THSD7A: variants seen among roughly 807,000 people sequenced by gnomAD.
THSD7A encodes thrombospondin type-1 domain-containing protein 7A.
THSD7A carries 96 observed loss-of-function variants against 231.3 expected under a neutral mutation model. The ratio of observed to expected loss-of-function variants is 0.41; its 90% CI spans 0.35 to 0.49. The LOEUF (loss-of-function observed/expected upper bound fraction) is 0.49. THSD7A is among the 20% of genes least tolerant of loss of function. The probability of loss-of-function intolerance (pLI) is 0.05; values close to 1 mark genes in which losing one functional copy is unlikely to be tolerated. For synonymous variants in THSD7A, 940 were observed against 743.3 expected, an observed-to-expected ratio of 1.26 and a Z score of -4.30; for missense variants, 2,290 against 2,070.2, an observed-to-expected ratio of 1.11 and a Z score of -2.06.
rs139491852 is a variant in THSD7A, at chr7:11,430,317, A to G, written c.3065-1192T>C. 1.3e-3 allele frequency among the ~76,000 whole-genome samples: 200 copies of G among 152,162 alleles called. 1 individual carries two copies. The highest frequency in any genetic ancestry group is 4.7e-3 in the African/African-American group (196 of 41,514). On this transcript the variant is annotated intron_variant, in intron 13 of 27. Coordinates refer to ENST00000423059, the MANE Select transcript of THSD7A (RefSeq NM_015204.3). ...CATCTAATTTTAGAACATTTGTTTT[A>G]CTCCAAAAATAAACCCTATGGTTAC...
intron 22 of THSD7A, among the ~76,000 whole-genome samples, chr7:11,405,152 A>ATTTTT (rs67149392): frequency 1.4e-4 from 20 of 145,590 alleles, no homozygotes; most frequent in African/African-American, 2.0e-4. Flanking sequence ...ATCTCAAATG[A>ATTTTT]TTTTTTTTTT....
intron 1 of THSD7A, among the ~76,000 whole-genome samples, chr7:11,824,868 A>T (rs1018004939): frequency 2.0e-5 from 3 of 152,158 alleles, no homozygotes; most frequent in African/African-American, 7.2e-5. Flanking sequence ...TAATTTCAAG[A>T]ATGTAAAATA....
intron 1 of THSD7A, among the ~76,000 whole-genome samples, chr7:11,651,496 T>G (rs1489765852): frequency 3.5e-5 from 3 of 86,630 alleles, no homozygotes; most frequent in African/African-American, 3.2e-5. Flanking sequence ...ACTATCTATC[T>G]ATCTATCTAT....
At chr7:11,622,640 T>C (rs1781352401) in intron 2 of THSD7A, among the ~76,000 whole-genome samples, 1 of 152,098 alleles carries the variant, frequency 6.6e-6, no homozygotes, top group South Asian at 2.1e-4. Flanking sequence ...ACACTACCTC[T>C]CCAGACTACC....
chr7:11,549,971 T>C (rs1250768324), intron 4 of THSD7A, among the ~76,000 whole-genome samples: 3 of 152,048 alleles, frequency 2.0e-5, no homozygotes, highest in Non-Finnish European at 2.9e-5. Context: ...AAAATAGTAC[T>C]GGAAGTTCTA....
rs1218661119 is a variant in THSD7A at position 11,450,805 on chromosome 7, C to T, written c.2606-3381G>A. On this transcript the variant is annotated intron_variant, in intron 11 of 27. Coordinates refer to ENST00000423059, the MANE Select transcript of THSD7A (RefSeq NM_015204.3). ...ATATCTAATGATGACACAAGTTCTC[C>T]TTTGAGCTGAAGCATTGTTAGCAAG... Among the ~76,000 whole-genome samples, 4 of 151,952 alleles carry T rather than the reference C, an allele frequency of 2.6e-5. No homozygotes were observed. In the East Asian group the frequency reaches 5.8e-4, roughly 22 times the overall value.
intron 6 of THSD7A, among the ~76,000 whole-genome samples, chr7:11,534,806 C>A (rs1487039298): frequency 1.3e-5 from 2 of 152,186 alleles, no homozygotes; most frequent in Non-Finnish European, 2.9e-5. Context: ...AATAACTAAA[C>A]TCCTGCCTAA....
intron 1 of THSD7A, among the ~76,000 whole-genome samples, chr7:11,665,371 G>A (rs936395876): frequency 9.2e-5 from 14 of 152,034 alleles, no homozygotes; most frequent in Non-Finnish European, 1.5e-4. Context: ...TATGGTACGA[G>A]TAGAACTAAT....
intron 6 of THSD7A, among the ~76,000 whole-genome samples, chr7:11,536,759 G>C (rs1261572370): frequency 6.6e-6 from 1 of 151,952 alleles, no homozygotes. Flanking sequence ...TATGCTTCTG[G>C]AACAATCTAT....
chr7:11,792,668 T>C (rs1194557562), intron 1 of THSD7A, among the ~76,000 whole-genome samples: 1 of 151,806 alleles, frequency 6.6e-6, no homozygotes, highest in South Asian at 2.1e-4. Flanking sequence ...TGGAAGCTCT[T>C]ACAGAGAAAA....
chr7:11,426,672 C>T lies in THSD7A; in HGVS notation c.3244-1G>A. 6.4e-7 allele frequency: 1 copy of T among 1,561,582 alleles called. No homozygotes were observed. The highest frequency in any genetic ancestry group is 8.6e-7 in the Non-Finnish European group (1 of 1,160,134). On this transcript the variant is annotated splice_acceptor_variant, in intron 14 of 27. Transcript: ENST00000423059. LOFTEE classifies it high-confidence loss of function. ...GAGGTTTAAGAGTTCTTACCTGTGC[C>T]TGGAGTGGTGTTCAACAGGAATGAT...
chr7:11,810,886 G>T (rs1347734773), intron 1 of THSD7A, among the ~76,000 whole-genome samples: 1 of 152,052 alleles, frequency 6.6e-6, no homozygotes, highest in Non-Finnish European at 1.5e-5. Context: ...TCCCTTAAAA[G>T]CACACAATTA....
intron 2 of THSD7A, among the ~76,000 whole-genome samples, chr7:11,617,753 T>C (rs1781157189): frequency 6.6e-6 from 1 of 152,024 alleles, no homozygotes; most frequent in Non-Finnish European, 1.5e-5. Context: ...TTCTGAGCAA[T>C]CTATCACAAG....
chr7:11,479,124 C>A (rs1357800989), intron 7 of THSD7A, among the ~76,000 whole-genome samples: 1 of 152,058 alleles, frequency 6.6e-6, no homozygotes, highest in Non-Finnish European at 1.5e-5. Flanking sequence ...GTAGAGTTAC[C>A]CAAAACTGTA....
At chr7:11,825,400 C>A (rs1328933818) in intron 1 of THSD7A, among the ~76,000 whole-genome samples, 1 of 152,062 alleles carries the variant, frequency 6.6e-6, no homozygotes, top group African/African-American at 2.4e-5. Context: ...TCTTTCCATT[C>A]TATAATGGTG....
chr7:11,799,328 T>G (rs539732239), intron 1 of THSD7A, among the ~76,000 whole-genome samples: 1 of 152,290 alleles, frequency 6.6e-6, no homozygotes, highest in African/African-American at 2.4e-5. Flanking sequence ...TATCTTCCAG[T>G]GGAGAAACTT....
intron 1 of THSD7A, among the ~76,000 whole-genome samples, chr7:11,681,852 C>G (rs543115966): frequency 2.0e-5 from 3 of 151,778 alleles, no homozygotes; most frequent in Non-Finnish European, 2.9e-5. Flanking sequence ...TGAAAGGCAG[C>G]TAGAGAAAGG....
At chr7:11,394,967 A>G (rs1227920674) in intron 23 of THSD7A, among the ~76,000 whole-genome samples, 6 of 152,234 alleles carry the variant, frequency 3.9e-5, no homozygotes, top group African/African-American at 2.4e-5. Flanking sequence ...ACATATAACA[A>G]TATTAACCTT....
chr7:11,384,369 T>G (rs2115307332), intron 23 of THSD7A: 1 of 151,808 alleles, frequency 6.6e-6, no homozygotes, highest in South Asian at 2.1e-4. Flanking sequence ...GTTTTAAATT[T>G]TAATTTAAAG....
Sources: allele counts gnomAD v4.1 joint callset (sites outside exome capture counted in the v4.1 genomes callset), GRCh38; gene constraint gnomAD v4.1.1; transcripts MANE v1.5; gene names NCBI Gene and HGNC (gene_info 2026-07-23, HGNC 2026-07-21).